BRCA2: variants seen among roughly 807,000 people sequenced by gnomAD.
BRCA2 encodes breast cancer type 2 susceptibility protein.
A neutral mutation model predicts 276.7 loss-of-function variants in BRCA2; 203 were observed. The observed-to-expected ratio is 0.73, with a 90% CI of 0.65 to 0.82. BRCA2 has a LOEUF of 0.82. Ranked by LOEUF, BRCA2 falls within the 40% of genes least tolerant of loss-of-function variation. The pLI, the probability that BRCA2 is intolerant of heterozygous loss-of-function variation, is 0.00. For missense variants in BRCA2, 3,920 were observed against 3,915.0 expected, an observed-to-expected ratio of 1.00 and a Z score of -0.03; for synonymous variants, 1,289 against 1,338.4, an observed-to-expected ratio of 0.96 and a Z score of 0.81.
rs730881542 is a variant in BRCA2, at chr13:32,340,495, A to G, written c.6140A>G (p.Tyr2047Cys). ...EHLISQKGFS[Y>C]NVVNSSAFSG... ...TTAATATCCCAAAAAGGCTTTTCAT[A>G]TAATGTGGTAAATTCATCTGCTTTC... The change falls in exon 11 of 27, where the codon TAT becomes TGT. Residue 2047 changes from tyrosine (Y) to cysteine (C), a missense_variant. Physicochemically the swap from Tyr to Cys is radical, Grantham distance 194. Coordinates refer to ENST00000380152, the MANE Select transcript of BRCA2 (RefSeq NM_000059.4). The G allele has an allele frequency of 6.2e-7, 1 of 1,613,702 alleles. No homozygotes were observed.
chr13:32,333,409 T>A (rs530328582), intron 10 of BRCA2, 22 bp downstream of exon 10: 16 of 1,599,290 alleles, frequency 1.0e-5, no homozygotes, highest in Non-Finnish European at 1.1e-5. Context: ...TTTTTTTTTT[T>A]GTAAATAGTA....
intron 24 of BRCA2, among the ~76,000 whole-genome samples, chr13:32,381,609 C>T (rs945273697): frequency 2.0e-5 from 3 of 152,112 alleles, no homozygotes; most frequent in South Asian, 2.1e-4. Context: ...AAGTAACATC[C>T]AGGGACAGAG....
At chr13:32,330,124 T>A (rs1222585545) in intron 8 of BRCA2, among the ~76,000 whole-genome samples, 1 of 152,200 alleles carries the variant, frequency 6.6e-6, no homozygotes, top group African/African-American at 2.4e-5. Flanking sequence ...TGTCATTCAT[T>A]TCAGGGGATC....
In BRCA2 at chr13:32,358,643, A is replaced by G. The variant is rs145562589; in HGVS notation, c.7805+714A>G. Reference sequence around the variant, plus strand: ...CCCATCTCTACAAACAAATTAAAAAATTAGCCCAGCCAGGCGCGGTGGCTC... The same window carrying G: ...CCCATCTCTACAAACAAATTAAAAAGTTAGCCCAGCCAGGCGCGGTGGCTC... On this transcript the variant is annotated intron_variant, in intron 16 of 26. Coordinates refer to ENST00000380152, the MANE Select transcript of BRCA2 (RefSeq NM_000059.4). Among the ~76,000 whole-genome samples the G allele has an allele frequency of 7.5e-4, 113 of 151,374 alleles. 3 individuals are homozygous for G. The highest frequency in any genetic ancestry group is 3.0e-3 in the Admixed American group (45 of 15,184).
rs1383431362 is a variant in BRCA2, at chr13:32,376,801, T to C, written c.8754+10T>C. 6.2e-7 allele frequency: 1 copy of C among 1,613,554 alleles called. No individual in the cohort carries two copies. The highest frequency in any genetic ancestry group is 8.5e-7 in the Non-Finnish European group (1 of 1,179,826). ...CCCAGCTTACCTTGAGGTGAGAGAG[T>C]AAGAGGACATATAATGAGGCTTGAT... On this transcript the variant is annotated intron_variant, in intron 21 of 26. Transcript: ENST00000380152.
chr13:32,394,672 T>A lies in BRCA2; in HGVS notation c.9257-17T>A, dbSNP rs1400852315. The A allele has an allele frequency of 6.2e-7, 1 of 1,605,914 alleles. No individual in the cohort carries two copies. The highest frequency in any genetic ancestry group is 2.2e-5 in the East Asian group (1 of 44,830). On this transcript the variant is annotated splice_polypyrimidine_tract_variant and intron_variant, in intron 24 of 26. Transcript: ENST00000380152. Reference sequence around the variant, plus strand: ...ACACATCTATAATAACATTCTTTTCTTTTTTTTCCATTCTAGGACTTGCCC... The same window carrying A: ...ACACATCTATAATAACATTCTTTTCATTTTTTTCCATTCTAGGACTTGCCC...
intron 25 of BRCA2, among the ~76,000 whole-genome samples, chr13:32,395,183 A>G (rs184384796): frequency 3.9e-5 from 6 of 152,332 alleles, no homozygotes; most frequent in Non-Finnish European, 8.8e-5. Flanking sequence ...AGAAATGCAG[A>G]CTTTGTAAGC....
rs182828913 is a variant in BRCA2 at position 32,326,296 on chromosome 13, C to T, written c.516+14C>T. 219 of 1,609,118 alleles carry T rather than the reference C, an allele frequency of 1.4e-4. No individual in the cohort carries two copies. In the Admixed American group the frequency reaches 2.2e-3, roughly 16 times the overall value. ...AAGTTTGTGAAGGTAAATATTCTAC[C>T]TGGTTTATTTTTATGACTTAGTAAT... On this transcript the variant is annotated intron_variant, in intron 6 of 26. Transcript: ENST00000380152.
chr13:32,376,521 C>CAAAAAAA (rs200156944), intron 20 of BRCA2, 149 bp from the exon 21 acceptor site: 1 of 615,646 alleles, frequency 1.6e-6, no homozygotes, highest in African/African-American at 2.2e-5. Context: ...GACCCTGTCT[C>CAAAAAAA]AAAAAAAAAA....
At position 32,332,779 on chromosome 13, in the gene BRCA2, A is replaced by G. The variant is rs759780329; in HGVS notation, c.1301A>G (p.Lys434Arg). 1 of 1,607,374 alleles carries G rather than the reference A, an allele frequency of 6.2e-7. No individual in the cohort carries two copies. The highest frequency in any genetic ancestry group is 1.1e-5 in the South Asian group (1 of 89,330). Residue 434 changes from lysine to arginine, a missense_variant, in exon 10 of 27, where the codon AAA becomes AGA. Around this residue, in one of 2 missense-constraint regions of BRCA2, gnomAD observed 3,263 missense variants for 3,156.9 expected, o/e 1.03. Coordinates refer to ENST00000380152, the MANE Select transcript of BRCA2 (RefSeq NM_000059.4). ...AAAGACCTATTAGACACAGAGAACA[A>G]AAGAAAGAAAGATTTTCTTACTTCA... ...SEKDLLDTEN[K>R]RKKDFLTSEN...
At chr13:32,341,277 T>TA in intron 11 of BRCA2, 81 bp downstream of exon 11, 1 of 774,036 alleles carries the variant, frequency 1.3e-6, no homozygotes, top group South Asian at 2.2e-5. Context: ...TGCTAACAAT[T>TA]AAGAGTGTTA....
In BRCA2 at chr13:32,399,611, A is replaced by G. The variant is rs186619625; in HGVS notation, c.*841A>G. On this transcript the variant is annotated 3_prime_UTR_variant, in exon 27 of 27. Transcript: ENST00000380152. ...TCATAGTTAATTTATTTTTTTTTTC[A>G]ACAAAATGGTCATCCAAACTCAAAC... 431 of 178,476 alleles carry G rather than the reference A, an allele frequency of 2.4e-3. 6 individuals are homozygous for G. The highest frequency in any genetic ancestry group is 8.5e-3 in the South Asian group (43 of 5,036). 11.1% of individuals were successfully genotyped at this position (178,476 alleles called of 1,614,324 possible).
chr13:32,319,107 A>G lies in BRCA2; in HGVS notation c.98A>G (p.Glu33Gly). Residue 33 changes from glutamate to glycine, a missense_variant, in exon 3 of 27, where the codon GAA (glutamate) becomes GGA (glycine). This residue lies in a region of BRCA2 where 3,263 missense variants were observed against 3,156.9 expected (regional missense o/e 1.03). Transcript: ENST00000380152. ...GGACCAATAAGTCTTAATTGGTTTG[A>G]AGAACTTTCTTCAGAAGCTCCACCC... is the stretch of plus-strand genomic sequence containing the variant. ...DLGPISLNWF[E>G]ELSSEAPPYN... 6.2e-7 allele frequency: 1 copy of G among 1,613,304 alleles called. No homozygotes were observed. Among genetic ancestry groups the G allele is most frequent in the African/African-American group, 1.3e-5 (1 of 75,006 alleles).
rs2072552879 is a variant in BRCA2, at chr13:32,340,695, C to G, written c.6340C>G (p.Pro2114Ala). 10 of 1,609,128 alleles carry G rather than the reference C, an allele frequency of 6.2e-6. No homozygotes were observed. Among genetic ancestry groups the G allele is most frequent in the Non-Finnish European group, 8.5e-6 (10 of 1,178,880 alleles). ...KILPRVDKRN[P>A]EHCVNSEMEK... ...ACTTCCTCGTGTTGATAAGAGAAAC[C>G]CAGAGCACTGTGTAAACTCAGAAAT... The change falls in exon 11 of 27, where the codon CCA (proline) becomes GCA (alanine). Residue 2114 changes from proline (P) to alanine (A), a missense_variant. Coordinates refer to ENST00000380152, the MANE Select transcript of BRCA2 (RefSeq NM_000059.4).
At chr13:32,371,343 T>G (rs951658028) in intron 20 of BRCA2, among the ~76,000 whole-genome samples, 7 of 152,168 alleles carry the variant, frequency 4.6e-5, no homozygotes, top group Non-Finnish European at 1.0e-4. Flanking sequence ...GATGTGGCTT[T>G]TGCATTTTTG....
At position 32,399,322 on chromosome 13, in the gene BRCA2, G is replaced by A. The variant is rs547910249; in HGVS notation, c.*552G>A. 69 of 193,796 alleles carry A rather than the reference G, an allele frequency of 3.6e-4. No homozygotes were observed. Among genetic ancestry groups the A allele is most frequent in the African/African-American group, 1.5e-3 (66 of 43,240 alleles). The allele number at this position is 193,796 out of a possible 1,614,324, so 12.0% of individuals were successfully genotyped here. On this transcript the variant is annotated 3_prime_UTR_variant, in exon 27 of 27. Transcript: ENST00000380152. ...CTTTTAGTTTAGCTACTATTTTAGG[G>A]GATTTTTTTTAGAGGTAACTCACTA... is the stretch of plus-strand genomic sequence containing the variant.
chr13:32,325,521 A>G (rs2072338185), intron 4 of BRCA2, among the ~76,000 whole-genome samples: 2 of 151,160 alleles, frequency 1.3e-5, no homozygotes, highest in African/African-American at 2.4e-5. Flanking sequence ...TGGAGAGAAT[A>G]TGATTTACTT....
chr13:32,376,583 T>G, intron 20 of BRCA2, 87 bp from the exon 21 acceptor site: 1 of 1,420,204 alleles, frequency 7.0e-7, no homozygotes, highest in Non-Finnish European at 9.9e-7. Context: ...AAATCTCCCT[T>G]CTTTGGGTGT....
chr13:32,326,129 A>T lies in BRCA2; in HGVS notation c.454A>T (p.Thr152Ser), dbSNP rs886037806. 6.2e-7 allele frequency: 1 copy of T among 1,609,938 alleles called. No homozygotes were observed. The highest frequency in any genetic ancestry group is 8.5e-7 in the Non-Finnish European group (1 of 1,177,608). The change falls in exon 5 of 27, where the codon ACA becomes TCA. Residue 152 changes from threonine to serine, a missense_variant. Around this residue, in one of 2 missense-constraint regions of BRCA2, gnomAD observed 3,263 missense variants for 3,156.9 expected, o/e 1.03. Coordinates refer to ENST00000380152, the MANE Select transcript of BRCA2 (RefSeq NM_000059.4). ...SPVVLQCTHV[T>S]PQRDKSVVCG... is the part of the protein sequence containing the mutation. ...TGTTGTTCTACAATGTACACATGTA[A>T]CACCACAAAGAGATAAGTCAGGTAT...
Sources: allele counts gnomAD v4.1 joint callset (sites outside exome capture counted in the v4.1 genomes callset), GRCh38; gene constraint gnomAD v4.1.1; regional missense constraint gnomAD v4.1.1; transcripts MANE v1.5; gene names NCBI Gene and HGNC (gene_info 2026-07-23, HGNC 2026-07-21).